NLGN4Y: variants seen among roughly 807,000 people sequenced by gnomAD.
NLGN4Y encodes neuroligin 4 Y-linked.
A neutral mutation model predicts 8.4 loss-of-function variants in NLGN4Y; 4 were observed. The ratio of observed to expected loss-of-function variants is 0.48; its 90% CI spans 0.23 to 1.09. The LOEUF (loss-of-function observed/expected upper bound fraction) is 1.09, where lower values mean the gene tolerates loss of function less well. Among genes scored for constraint, NLGN4Y ranks in the 50% least tolerant of loss-of-function variants. The pLI, the probability that NLGN4Y is intolerant of heterozygous loss-of-function variation, is 0.19. For missense variants in NLGN4Y, 90 were observed against 192.3 expected, an observed-to-expected ratio of 0.47 and a Z score of 3.15; for synonymous variants, 35 against 75.6, an observed-to-expected ratio of 0.46 and a Z score of 2.78.
At chrY:14,794,507 G>C (rs2042998684) in intron 4 of NLGN4Y, among the ~76,000 whole-genome samples, 1 of 33,425 alleles carries the variant, frequency 3.0e-5, no homozygotes, top group Admixed American at 2.7e-4. Flanking sequence ...TCTTGGAGCT[G>C]TAGTTCATTT....
chrY:14,536,347 T>C (rs1285557992), intron 1 of NLGN4Y, among the ~76,000 whole-genome samples: 1 of 25,616 alleles, frequency 3.9e-5, no homozygotes, highest in Non-Finnish European at 8.7e-5. Context: ...CCCGGGTTCA[T>C]GCCATTCTCC....
At chrY:14,698,371 C>G (rs2080838671) in intron 2 of NLGN4Y, among the ~76,000 whole-genome samples, 1 of 33,169 alleles carries the variant, frequency 3.0e-5, no homozygotes, top group Middle Eastern at 0.014. Context: ...TTCAATTGAA[C>G]GTGTACATAG....
At chrY:14,826,386 C>T in intron 5 of NLGN4Y, among the ~76,000 whole-genome samples, 1 of 23,740 alleles carries the variant, frequency 4.2e-5, no homozygotes, top group Non-Finnish European at 9.4e-5. Context: ...GTCACTCAGG[C>T]AGGAGTGCAG....
Position 14,715,477 on chromosome Y carries a change from C to T in NLGN4Y, c.473-3982C>T, listed in dbSNP as rs2150552050. On this transcript the variant is annotated intron_variant, in intron 2 of 6. Coordinates refer to ENST00000684976, the MANE Select transcript of NLGN4Y (RefSeq NM_001365588.1). ...CTATGCAGCCATAAAAAAGGACGTC[C>T]TTTGCAGGCACATGGATGAAGTTGG... is the stretch of plus-strand genomic sequence containing the variant. 1.5e-4 allele frequency among the ~76,000 whole-genome samples: 5 copies of T among 33,125 alleles called. No homozygotes were observed. The East Asian group carries it at 4.0e-3, about 26-fold the overall frequency. The allele number at this position is 33,125 out of a possible 37,273, so 88.9% of individuals were successfully genotyped here.
At chrY:14,742,663 C>A in intron 4 of NLGN4Y, among the ~76,000 whole-genome samples, 1 of 32,480 alleles carries the variant, frequency 3.1e-5, no homozygotes, top group East Asian at 8.0e-4. Context: ...TTTGTAACTT[C>A]GTAAACAGAT....
chrY:14,767,938 T>C (rs2081097034), intron 4 of NLGN4Y, among the ~76,000 whole-genome samples: 1 of 33,706 alleles, frequency 3.0e-5, no homozygotes, highest in African/African-American at 1.2e-4. Context: ...CATTACCTGA[T>C]GCTGACTGAA....
chrY:14,705,401 C>T, intron 2 of NLGN4Y, among the ~76,000 whole-genome samples: 1 of 33,102 alleles, frequency 3.0e-5, no homozygotes, highest in African/African-American at 1.2e-4. Flanking sequence ...ACAGTTATAG[C>T]CAAGAGGCAC....
In NLGN4Y at chrY:14,829,056, A is replaced by T. The variant is rs764115015; in HGVS notation, c.872-674A>T. Reference sequence around the variant, plus strand: ...AAAACAAAAACAAAACAAAACAAAAAAATCTCTGAGTTACCAGTGGATATA... The same window carrying T: ...AAAACAAAAACAAAACAAAACAAAATAATCTCTGAGTTACCAGTGGATATA... On this transcript the variant is annotated intron_variant, in intron 5 of 6. Transcript: ENST00000684976. Among the ~76,000 whole-genome samples, 5 of 33,471 alleles carry T rather than the reference A, an allele frequency of 1.5e-4. No individual in the cohort carries two copies. The East Asian group carries it at 3.9e-3, about 26-fold the overall frequency. 89.8% of individuals were successfully genotyped at this position (33,471 alleles called of 37,273 possible).
intron 4 of NLGN4Y, among the ~76,000 whole-genome samples, chrY:14,734,271 C>A (rs891000402): frequency 3.0e-5 from 1 of 33,657 alleles, no homozygotes; most frequent in Non-Finnish European, 7.3e-5. Context: ...GTTGGTATTT[C>A]CCTCTGCTGT....
In NLGN4Y at chrY:14,792,853, T is replaced by A. The variant is rs111788435; in HGVS notation, c.686-31335T>A. ...AACTACATGTAGAAGAGAGAGAGAG[T>A]GTGTGTGTGTGTGTGTGTGTGTGTG... On this transcript the variant is annotated intron_variant, in intron 4 of 6. Coordinates refer to ENST00000684976, the MANE Select transcript of NLGN4Y (RefSeq NM_001365588.1). Among the ~76,000 whole-genome samples, 23 of 11,660 alleles carry A rather than the reference T, an allele frequency of 2.0e-3. No homozygotes were observed. In the East Asian group the frequency reaches 0.041, roughly 21 times the overall value. The allele number at this position is 11,660 out of a possible 37,273, so 31.3% of individuals were successfully genotyped here.
intron 3 of NLGN4Y, among the ~76,000 whole-genome samples, chrY:14,721,775 TACACAC>T (rs776389790): frequency 7.6e-5 from 2 of 26,482 alleles, no homozygotes; most frequent in African/African-American, 2.9e-4. Flanking sequence ...ATTATTTGTA[TACACAC>T]ACACACACAC....
chrY:14,822,093 A>G, intron 4 of NLGN4Y, among the ~76,000 whole-genome samples: 1 of 34,223 alleles, frequency 2.9e-5, no homozygotes, highest in Non-Finnish European at 7.3e-5. Context: ...TACCTGAAAC[A>G]GGCACTCCCC....
intron 4 of NLGN4Y, among the ~76,000 whole-genome samples, chrY:14,809,078 CA>C (rs2043068165): frequency 8.8e-5 from 3 of 33,977 alleles, no homozygotes; most frequent in Admixed American, 8.0e-4. Context: ...AAATTGTGAA[CA>C]AAATATAAAC....
intron 1 of NLGN4Y, among the ~76,000 whole-genome samples, chrY:14,542,366 C>A (rs989695327): frequency 3.0e-5 from 1 of 33,225 alleles, no homozygotes; most frequent in Non-Finnish European, 7.4e-5. Context: ...CTTTAACACC[C>A]CACTGTCAAT....
At chrY:14,584,135 AT>A (rs2080329545) in intron 1 of NLGN4Y, among the ~76,000 whole-genome samples, 2 of 32,674 alleles carry the variant, frequency 6.1e-5, no homozygotes, top group Non-Finnish European at 1.5e-4. Flanking sequence ...TCATTCATTT[AT>A]TTATTTTTTG....
chrY:14,630,382 G>A, intron 2 of NLGN4Y, among the ~76,000 whole-genome samples: 1 of 32,970 alleles, frequency 3.0e-5, no homozygotes, highest in Non-Finnish European at 7.4e-5. Flanking sequence ...CTTCCTTAGC[G>A]CTTCCAGAAA....
intron 1 of NLGN4Y, among the ~76,000 whole-genome samples, chrY:14,555,919 G>A (rs2080209260): frequency 1.2e-4 from 4 of 33,099 alleles, no homozygotes; most frequent in Non-Finnish European, 2.2e-4. Context: ...TTGGGAGGCC[G>A]AGGGAGGTGG....
Position 14,842,993 on chromosome Y carries a change from C to T in NLGN4Y, c.*1731C>T, listed in dbSNP as rs2043231866. 1.7e-5 allele frequency: 2 copies of T among 119,487 alleles called. No individual in the cohort carries two copies. Among genetic ancestry groups the T allele is most frequent in the African/African-American group, 1.9e-4 (2 of 10,284 alleles). 29.8% of individuals were successfully genotyped at this position (119,487 alleles called of 400,897 possible). ...GCCAAAGATGTTTGAAGATCATGTC[C>T]CTTAGCTGCATTGTGGGTTATTCTA... is the stretch of plus-strand genomic sequence containing the variant. On this transcript the variant is annotated 3_prime_UTR_variant, in exon 7 of 7. Coordinates refer to ENST00000684976, the MANE Select transcript of NLGN4Y (RefSeq NM_001365588.1).
At chrY:14,681,389 G>A in intron 2 of NLGN4Y, among the ~76,000 whole-genome samples, 1 of 32,645 alleles carries the variant, frequency 3.1e-5, no homozygotes, top group Non-Finnish European at 7.5e-5. Flanking sequence ...TCACTATCAT[G>A]AGAACATTAG....
Sources: gnomAD v4.1 joint callset for allele counts (sites outside exome capture counted in the v4.1 genomes callset) on GRCh38, gnomAD v4.1.1 for gene constraint, MANE v1.5 for transcripts, NCBI Gene and HGNC (gene_info 2026-07-23, HGNC 2026-07-21) for gene names.